The following ERC2 variants were observed in gnomAD, a reference collection of about 807,000 sequenced individuals.
The protein encoded by ERC2 is ELKS/RAB6-interacting/CAST family member 2.
A neutral mutation model predicts 114.8 loss-of-function variants in ERC2; 42 were observed. The observed-to-expected ratio is 0.37, with a 90% CI of 0.29 to 0.47. The LOEUF is 0.47. Ranked by LOEUF, ERC2 falls within the 20% of genes least tolerant of loss-of-function variation. The pLI is 0.99. For missense variants in ERC2, 939 were observed against 1,150.7 expected (o/e 0.82, Z 2.66); for synonymous variants, 454 against 425.5 (o/e 1.07, Z -0.82).
Position 55,608,386 on chromosome 3 carries a change from T to C in ERC2, c.*39+75408A>G, listed in dbSNP as rs552258187. ...TTTACAATAAAAATATCCCCGTGCA[T>C]GTGCAAACACCAGAGGCAATCATAT... On this transcript the variant is annotated intron_variant, in intron 17 of 17. Transcript: ENST00000288221. 2.6e-5 allele frequency among the ~76,000 whole-genome samples: 4 copies of C among 152,342 alleles called. No homozygotes were observed. In the East Asian group the frequency reaches 7.7e-4, roughly 29 times the overall value.
intron 3 of ERC2, among the ~76,000 whole-genome samples, chr3:56,231,188 C>T (rs1258855909): frequency 6.6e-6 from 1 of 152,164 alleles, no homozygotes; most frequent in Non-Finnish European, 1.5e-5. Flanking sequence ...ATTAAGCTCG[C>T]TAAACTGTGG....
At chr3:56,401,686 T>G (rs2060524961) in intron 2 of ERC2, among the ~76,000 whole-genome samples, 1 of 152,058 alleles carries the variant, frequency 6.6e-6, no homozygotes, top group African/African-American at 2.4e-5. Context: ...TGGGCAAAGG[T>G]GATGCAAAAC....
At chr3:56,404,593 G>A (rs1014401804) in intron 2 of ERC2, among the ~76,000 whole-genome samples, 2 of 152,146 alleles carry the variant, frequency 1.3e-5, no homozygotes, top group Admixed American at 6.5e-5. Context: ...GTAACACAAA[G>A]GATAAATACT....
chr3:56,422,445 A>G (rs1460546263), intron 2 of ERC2, among the ~76,000 whole-genome samples: 1 of 152,100 alleles, frequency 6.6e-6, no homozygotes, highest in Non-Finnish European at 1.5e-5. Context: ...ATGGGTTTCC[A>G]AGACAGGAGT....
chr3:56,404,283 C>T (rs1410640700), intron 2 of ERC2, among the ~76,000 whole-genome samples: 1 of 152,150 alleles, frequency 6.6e-6, no homozygotes, highest in East Asian at 1.9e-4. Context: ...TGCAGTCATT[C>T]TTATCCTTTT....
chr3:56,313,962 T>C (rs1252984188), intron 2 of ERC2, among the ~76,000 whole-genome samples: 3 of 152,204 alleles, frequency 2.0e-5, no homozygotes, highest in East Asian at 3.9e-4. Flanking sequence ...TTTAGGACTA[T>C]ATATAAGACT....
At chr3:56,284,600 CAGAA>C (rs2054556540) in intron 3 of ERC2, among the ~76,000 whole-genome samples, 1 of 152,114 alleles carries the variant, frequency 6.6e-6, no homozygotes, top group South Asian at 2.1e-4. Flanking sequence ...GTTTAAAAAA[CAGAA>C]AGGGAGACAC....
In ERC2 at chr3:55,625,608, G is replaced by A. The variant is rs572564644; in HGVS notation, c.*39+58186C>T. Among the ~76,000 whole-genome samples, 4 of 151,900 alleles carry A rather than the reference G, an allele frequency of 2.6e-5. No individual in the cohort carries two copies. The East Asian group carries it at 5.9e-4, about 22-fold the overall frequency. On this transcript the variant is annotated intron_variant, in intron 17 of 17. Transcript: ENST00000288221. ...CTACTAAAAATACAAAAAATTAGCCGGGCGTGGTGGCGGGCGCCTGTAGTC... is the reference window on the plus strand; with the variant it reads ...CTACTAAAAATACAAAAAATTAGCCAGGCGTGGTGGCGGGCGCCTGTAGTC...
At chr3:56,218,336 A>T (rs929382218) in intron 3 of ERC2, among the ~76,000 whole-genome samples, 6 of 152,362 alleles carry the variant, frequency 3.9e-5, no homozygotes, top group African/African-American at 1.2e-4. Context: ...GAAGGACATG[A>T]ACAGACACTT....
intron 17 of ERC2, among the ~76,000 whole-genome samples, chr3:55,521,978 C>T (rs2052979350): frequency 6.6e-6 from 1 of 152,180 alleles, no homozygotes; most frequent in Admixed American, 6.5e-5. Flanking sequence ...GGATGGCCTG[C>T]TGAAGACAGA....
At chr3:55,911,298 T>A (rs1162417536) in intron 13 of ERC2, among the ~76,000 whole-genome samples, 2 of 152,198 alleles carry the variant, frequency 1.3e-5, no homozygotes, top group African/African-American at 4.8e-5. Flanking sequence ...CATTTGCCAC[T>A]ATTGAGAGAT....
chr3:56,018,964 T>C lies in ERC2; in HGVS notation c.1709A>G (p.Lys570Arg). 2 of 1,613,316 alleles carry C rather than the reference T, an allele frequency of 1.2e-6. No individual in the cohort carries two copies. Among genetic ancestry groups the C allele is most frequent in the Admixed American group, 1.7e-5 (1 of 59,936 alleles). ...ATTACTGGAATCCGTCTGCAAGGAC[T>C]TCACTCTGTCTTTCAGGTTGGTCAG... ...KQLTNLKDRV[K>R]SLQTDSSNTD... is the part of the protein sequence containing the mutation. The change falls in exon 8 of 18, where the codon AAG (lysine) becomes AGG (arginine). Residue 570 changes from lysine (K) to arginine (R), a missense_variant. Around this residue, in one of 5 missense-constraint regions of ERC2, gnomAD observed 149 missense variants for 254.6 expected, o/e 0.59. Transcript: ENST00000288221.
chr3:55,919,764 C>T (rs375328027), intron 13 of ERC2, among the ~76,000 whole-genome samples: 4 of 152,200 alleles, frequency 2.6e-5, no homozygotes, highest in African/African-American at 9.6e-5. Flanking sequence ...AAGGCAGAGC[C>T]ATGTAAATAA....
At chr3:55,522,641 G>T (rs1313977734) in intron 17 of ERC2, among the ~76,000 whole-genome samples, 1 of 152,144 alleles carries the variant, frequency 6.6e-6, no homozygotes, top group Non-Finnish European at 1.5e-5. Context: ...CATACTCTCT[G>T]GTTTGAACTT....
At chr3:55,679,758 C>T (rs952943424) in intron 17 of ERC2, among the ~76,000 whole-genome samples, 4 of 152,198 alleles carry the variant, frequency 2.6e-5, no homozygotes, top group African/African-American at 4.8e-5. Context: ...TGAAAGAAAA[C>T]CTGCACTTTG....
At chr3:55,641,802 G>A (rs80314276) in intron 17 of ERC2, among the ~76,000 whole-genome samples, 2,535 of 152,176 alleles carry the variant, frequency 0.017, 73 homozygotes, top group African/African-American at 0.057. Context: ...GTGCCTTAGT[G>A]CCTTTGTAAA....
At chr3:55,543,893 A>C in intron 17 of ERC2, among the ~76,000 whole-genome samples, 1 of 151,270 alleles carries the variant, frequency 6.6e-6, no homozygotes, top group Admixed American at 6.6e-5. Context: ...AATCAACTCC[A>C]CCTCCCCACG....
At chr3:55,901,912 G>T (rs562107020) in intron 13 of ERC2, among the ~76,000 whole-genome samples, 2 of 152,322 alleles carry the variant, frequency 1.3e-5, no homozygotes, top group Admixed American at 6.5e-5. Context: ...ACTTGATACC[G>T]ACTGAATCAG....
intron 2 of ERC2, among the ~76,000 whole-genome samples, chr3:56,297,669 G>A (rs2055545250): frequency 6.6e-6 from 1 of 152,214 alleles, no homozygotes; most frequent in African/African-American, 2.4e-5. Context: ...ACATGATCCT[G>A]CTTGTGGAAT....
Sources: allele counts gnomAD v4.1 joint callset (sites outside exome capture counted in the v4.1 genomes callset), GRCh38; gene constraint gnomAD v4.1.1; regional missense constraint gnomAD v4.1.1; transcripts MANE v1.5; gene names NCBI Gene and HGNC (gene_info 2026-07-23, HGNC 2026-07-21).